The following SH3RF1 variants were observed in gnomAD, a reference collection of about 807,000 sequenced individuals.
The protein encoded by SH3RF1 is SH3 domain containing ring finger 1.
SH3RF1 carries 32 observed loss-of-function variants against 74.0 expected under a neutral mutation model. That is an observed-to-expected ratio of 0.43 (90% CI 0.33 to 0.58). SH3RF1 has a LOEUF of 0.58. SH3RF1 is among the 20% of genes least tolerant of loss of function. The probability of loss-of-function intolerance (pLI) is 0.05; values close to 1 mark genes in which losing one functional copy is unlikely to be tolerated. For synonymous variants in SH3RF1, 396 were observed against 439.6 expected (o/e 0.90, Z 1.24); for missense variants, 954 against 1,130.9 (o/e 0.84, Z 2.24).
In SH3RF1 at chr4:169,222,986, G is replaced by A. The variant is rs79260788; in HGVS notation, c.393+45834C>T. ...TATGAGGCACCATGTGGCACCCCTC[G>A]TGGTTTGCCCAGCTGCAGCTCTTCA... On this transcript the variant is annotated intron_variant, in intron 2 of 11. Coordinates refer to ENST00000284637, the MANE Select transcript of SH3RF1 (RefSeq NM_020870.4). Among the ~76,000 whole-genome samples, 598 of 152,224 alleles carry A rather than the reference G, an allele frequency of 3.9e-3. 5 individuals carry two copies. Among genetic ancestry groups the A allele is most frequent in the African/African-American group, 0.014 (574 of 41,546 alleles).
chr4:169,169,228 G>A (rs1404549392), intron 2 of SH3RF1, among the ~76,000 whole-genome samples: 4 of 152,104 alleles, frequency 2.6e-5, no homozygotes, highest in Admixed American at 2.6e-4. Context: ...TTATTACAAG[G>A]ATATAGAACC....
At chr4:169,146,592 G>A (rs1733899191) in intron 4 of SH3RF1, among the ~76,000 whole-genome samples, 1 of 152,086 alleles carries the variant, frequency 6.6e-6, no homozygotes, top group African/African-American at 2.4e-5. Flanking sequence ...ACAAAAACAA[G>A]AGCTAAGAAA....
At chr4:169,179,664 G>C (rs941875927) in intron 2 of SH3RF1, among the ~76,000 whole-genome samples, 2 of 152,076 alleles carry the variant, frequency 1.3e-5, no homozygotes, top group Non-Finnish European at 2.9e-5. Flanking sequence ...CAGAAAAGAA[G>C]GCTCCTGAGA....
At chr4:169,233,142 AG>A (rs1730770030) in intron 2 of SH3RF1, among the ~76,000 whole-genome samples, 1 of 149,664 alleles carries the variant, frequency 6.7e-6, no homozygotes, top group African/African-American at 2.5e-5. Context: ...CCAGCTACTC[AG>A]GGGGCTGAGG....
intron 2 of SH3RF1, among the ~76,000 whole-genome samples, chr4:169,236,154 T>A (rs1435998812): frequency 6.6e-6 from 1 of 152,236 alleles, no homozygotes; most frequent in African/African-American, 2.4e-5. Flanking sequence ...ACATTACGAT[T>A]CTTCTCTCCC....
At chr4:169,108,366 T>C (rs1262657681) in intron 10 of SH3RF1, among the ~76,000 whole-genome samples, 2 of 152,164 alleles carry the variant, frequency 1.3e-5, no homozygotes, top group Non-Finnish European at 2.9e-5. Context: ...GGAAAATGAA[T>C]CTAAATCCCT....
At chr4:169,156,288 G>T in intron 3 of SH3RF1, 116 bp downstream of exon 3, 1 of 1,160,266 alleles carries the variant, frequency 8.6e-7, no homozygotes, top group Non-Finnish European at 1.2e-6. Flanking sequence ...AGCATAGTGA[G>T]TAGTTCACAC....
At position 169,096,692 on chromosome 4, in the gene SH3RF1, A is replaced by G. The variant is rs780369731; in HGVS notation, c.2499-5T>C. 5.6e-6 allele frequency: 9 copies of G among 1,603,412 alleles called. No individual in the cohort carries two copies. Among genetic ancestry groups the G allele is most frequent in the Non-Finnish European group, 7.6e-6 (9 of 1,176,666 alleles). The stretch of plus-strand genomic sequence containing the variant: ...TAGGAAACCACCACCCTGTGCCTAG[A>G]AAAGAAAGAGATTTTGGTTAAGGCG... On this transcript the variant is annotated splice_polypyrimidine_tract_variant and splice_region_variant and intron_variant, in intron 11 of 11. Transcript: ENST00000284637.
In SH3RF1 at chr4:169,221,786, C is replaced by T. The variant is rs78526124; in HGVS notation, c.393+47034G>A. ...CCTGAATTTTAAAATTCATCACTTACGTAATATCTGAATTCTACAACTCTG... is the reference window on the plus strand; with the variant it reads ...CCTGAATTTTAAAATTCATCACTTATGTAATATCTGAATTCTACAACTCTG... On this transcript the variant is annotated intron_variant, in intron 2 of 11. Coordinates refer to ENST00000284637, the MANE Select transcript of SH3RF1 (RefSeq NM_020870.4). Among the ~76,000 whole-genome samples, 999 of 152,258 alleles carry T rather than the reference C, an allele frequency of 6.6e-3. 15 individuals carry two copies. Among genetic ancestry groups the T allele is most frequent in the East Asian group, 0.059 (305 of 5,180 alleles).
At chr4:169,116,214 A>C in intron 10 of SH3RF1, 55 bp downstream of exon 10, 3 of 1,538,512 alleles carry the variant, frequency 1.9e-6, no homozygotes, top group Non-Finnish European at 2.6e-6. Context: ...ACAACATAAG[A>C]AGAAAAACAG....
intron 2 of SH3RF1, among the ~76,000 whole-genome samples, chr4:169,176,935 TTG>T (rs1028359861): frequency 5.9e-5 from 9 of 152,098 alleles, no homozygotes; most frequent in Non-Finnish European, 1.3e-4. Context: ...TCTGTTGTTG[TTG>T]TTGTTGTTGT....
At chr4:169,141,147 C>G (rs1391667704) in intron 4 of SH3RF1, among the ~76,000 whole-genome samples, 4 of 152,102 alleles carry the variant, frequency 2.6e-5, no homozygotes, top group African/African-American at 7.2e-5. Flanking sequence ...TCAGCCAGTT[C>G]CCCACATCTG....
chr4:169,105,979 T>G (rs1205425655), intron 11 of SH3RF1, among the ~76,000 whole-genome samples: 1 of 151,324 alleles, frequency 6.6e-6, no homozygotes, highest in Non-Finnish European at 1.5e-5. Context: ...TTCATAAACT[T>G]TCTTAAAATA....
chr4:169,218,201 AAT>A (rs1199114322), intron 2 of SH3RF1, among the ~76,000 whole-genome samples: 2 of 142,500 alleles, frequency 1.4e-5, no homozygotes, highest in Non-Finnish European at 3.0e-5. Flanking sequence ...ATGTAAATAT[AAT>A]ATAATATATA....
rs758381905 is a variant in SH3RF1, at chr4:169,096,311, T to C, written c.*208A>G. 3.2e-5 allele frequency: 18 copies of C among 564,108 alleles called. No individual in the cohort carries two copies. Among genetic ancestry groups the C allele is most frequent in the East Asian group, 3.0e-5 (1 of 33,788 alleles). The allele number at this position is 564,108 out of a possible 1,614,324, so 34.9% of individuals were successfully genotyped here. On this transcript the variant is annotated 3_prime_UTR_variant, in exon 12 of 12. Coordinates refer to ENST00000284637, the MANE Select transcript of SH3RF1 (RefSeq NM_020870.4). ...ATCAGACAGTACAAGGCACACCTTA[T>C]ACATCCGAATCCAGACTAACAAAAC...
At chr4:169,240,158 T>C (rs1242978939) in intron 2 of SH3RF1, among the ~76,000 whole-genome samples, 1 of 152,148 alleles carries the variant, frequency 6.6e-6, no homozygotes, top group East Asian at 1.9e-4. Flanking sequence ...CAATTAAAAC[T>C]TCTCAAGGGG....
chr4:169,246,258 G>C (rs1195431014), intron 2 of SH3RF1, among the ~76,000 whole-genome samples: 1 of 152,212 alleles, frequency 6.6e-6, no homozygotes, highest in Non-Finnish European at 1.5e-5. Flanking sequence ...CATGAGACAC[G>C]TATTTCATAA....
At chr4:169,116,241 G>A in intron 10 of SH3RF1, 28 bp downstream of exon 10, 1 of 1,561,434 alleles carries the variant, frequency 6.4e-7, no homozygotes, top group Non-Finnish European at 8.7e-7. Flanking sequence ...AAGTAAAGCA[G>A]AGAAACAGTA....
At position 169,136,719 on chromosome 4, in the gene SH3RF1, C is replaced by T. The variant is rs377330912; in HGVS notation, c.766-99G>A. 24 of 1,308,062 alleles carry T rather than the reference C, an allele frequency of 1.8e-5. No individual in the cohort carries two copies. In the South Asian group the frequency reaches 2.4e-4, roughly 13 times the overall value. The allele number at this position is 1,308,062 out of a possible 1,614,324, so 81.0% of individuals were successfully genotyped here. On this transcript the variant is annotated intron_variant, in intron 4 of 11. Transcript: ENST00000284637. Reference sequence around the variant, plus strand: ...CATGATTTCATCCAAAATTTAAAGTCACTACTTTAAAGTTTGCCTATGCAG... The same window carrying T: ...CATGATTTCATCCAAAATTTAAAGTTACTACTTTAAAGTTTGCCTATGCAG...
Sources: gnomAD v4.1 joint callset for allele counts (sites outside exome capture counted in the v4.1 genomes callset) on GRCh38, gnomAD v4.1.1 for gene constraint, MANE v1.5 for transcripts, NCBI Gene and HGNC (gene_info 2026-07-23, HGNC 2026-07-21) for gene names.